ZNF536: variants seen among roughly 807,000 people sequenced by gnomAD.
ZNF536 encodes zinc finger protein 536.
A neutral mutation model predicts 84.5 loss-of-function variants in ZNF536; 13 were observed. The observed-to-expected ratio is 0.15, with a 90% confidence interval of 0.10 to 0.24. The LOEUF is 0.24. ZNF536 is among the 10% of genes least tolerant of loss of function. ZNF536 has a pLI of 1.00. For missense variants in ZNF536, 1,536 were observed against 1,747.5 expected, an observed-to-expected ratio of 0.88 and a Z score of 2.16; for synonymous variants, 811 against 742.5, an observed-to-expected ratio of 1.09 and a Z score of -1.50.
upstream of ZNF536, among the ~76,000 whole-genome samples, chr19:30,370,566 GA>G (rs534520182): frequency 2.6e-5 from 4 of 152,048 alleles, no homozygotes; most frequent in East Asian, 7.7e-4. Flanking sequence ...AAACAGAGGG[GA>G]AAAAAACTAA....
chr19:30,502,402 G>C (rs1418928422), intron 2 of ZNF536, among the ~76,000 whole-genome samples: 1 of 152,064 alleles, frequency 6.6e-6, no homozygotes, highest in African/African-American at 2.4e-5. Context: ...TTTAAACTTG[G>C]GGTGGGATTG....
At chr19:30,670,596 C>G (rs1380601691) in intron 1 of ZNF536, among the ~76,000 whole-genome samples, 1 of 152,248 alleles carries the variant, frequency 6.6e-6, no homozygotes, top group Non-Finnish European at 1.5e-5. Context: ...GGGGAATGAA[C>G]TGTTCACTAC....
chr19:30,234,397 C>T (rs1599826871), intron 1 of ZNF536, among the ~76,000 whole-genome samples: 2 of 82,408 alleles, frequency 2.4e-5, no homozygotes, highest in African/African-American at 5.1e-5. Context: ...AGGCTCCTTC[C>T]TTTTTTTTTT....
intron 1 of ZNF536, among the ~76,000 whole-genome samples, chr19:30,647,205 T>C (rs1187454720): frequency 1.3e-5 from 2 of 152,240 alleles, no homozygotes; most frequent in East Asian, 1.9e-4. Flanking sequence ...AAATCATAAC[T>C]TTCCCTATTT....
At chr19:30,249,792 T>C (rs1430199587) in intron 1 of ZNF536, among the ~76,000 whole-genome samples, 1 of 152,140 alleles carries the variant, frequency 6.6e-6, no homozygotes, top group Non-Finnish European at 1.5e-5. Flanking sequence ...TTTTGGGGAA[T>C]GGAGGTGGAA....
At chr19:30,340,870 G>T (rs2047543698) in intron 2 of ZNF536, among the ~76,000 whole-genome samples, 1 of 152,040 alleles carries the variant, frequency 6.6e-6, no homozygotes, top group African/African-American at 2.4e-5. Context: ...AGAGAGAGAG[G>T]GTTCCTCTTG....
At chr19:30,307,447 T>C (rs1479188601) in intron 2 of ZNF536, among the ~76,000 whole-genome samples, 1 of 151,960 alleles carries the variant, frequency 6.6e-6, no homozygotes, top group African/African-American at 2.4e-5. Context: ...ATGCTTTTAA[T>C]TTTTCTAGCT....
chr19:30,337,477 A>G (rs1349997855), intron 2 of ZNF536, among the ~76,000 whole-genome samples: 1 of 152,066 alleles, frequency 6.6e-6, no homozygotes, highest in Non-Finnish European at 1.5e-5. Flanking sequence ...AGAAGAACAC[A>G]TGGGTTGGCA....
At chr19:30,595,461 AT>A (rs1170381999) in intron 1 of ZNF536, among the ~76,000 whole-genome samples, 2 of 151,594 alleles carry the variant, frequency 1.3e-5, no homozygotes, top group African/African-American at 4.9e-5. Flanking sequence ...CTATTTTTTA[AT>A]TTTTTTGTAG....
intron 1 of ZNF536, among the ~76,000 whole-genome samples, chr19:30,230,955 T>C (rs1192569226): frequency 6.7e-6 from 1 of 149,204 alleles, no homozygotes; most frequent in Non-Finnish European, 1.5e-5. Flanking sequence ...ATGATACTCA[T>C]GAGAATATAG....
chr19:30,239,349 T>C (rs2023771590), intron 1 of ZNF536, among the ~76,000 whole-genome samples: 1 of 152,216 alleles, frequency 6.6e-6, no homozygotes, highest in Non-Finnish European at 1.5e-5. Flanking sequence ...TCCATGGTGG[T>C]GTGACTTGCC....
intron 1 of ZNF536, among the ~76,000 whole-genome samples, chr19:30,658,578 C>A (rs769325601): frequency 9.2e-5 from 14 of 152,126 alleles, no homozygotes; most frequent in Non-Finnish European, 1.9e-4. Context: ...CCTGGCTTTG[C>A]CTGGCCAACT....
intron 1 of ZNF536, among the ~76,000 whole-genome samples, chr19:30,708,008 C>CAAAAAAAAAA (rs60270540): frequency 9.7e-6 from 1 of 102,966 alleles, no homozygotes. Flanking sequence ...GAGACTCCAT[C>CAAAAAAAAAA]AAAAAAAAAA....
At chr19:30,691,086 G>A (rs143016274) in intron 1 of ZNF536, among the ~76,000 whole-genome samples, 66 of 152,276 alleles carry the variant, frequency 4.3e-4, no homozygotes, top group African/African-American at 1.6e-3. Flanking sequence ...AGGGCTGGAG[G>A]TGGGGAGGGA....
chr19:30,630,134 C>A (rs1448171857), intron 1 of ZNF536, among the ~76,000 whole-genome samples: 2 of 152,172 alleles, frequency 1.3e-5, no homozygotes, highest in African/African-American at 4.8e-5. Context: ...CGGAGAGCAC[C>A]AGGGGCTACA....
rs868607388 is a variant in ZNF536 at position 30,238,456 on chromosome 19, C to G, written c.-190+9783C>G. On this transcript the variant is annotated intron_variant, in intron 1 of 5. Coordinates refer to the ZNF536 transcript ENST00000585628. ...CCACACACACACACACACACACACA[C>G]ACAATCACACATGAAAACACATACA... Among the ~76,000 whole-genome samples the G allele has an allele frequency of 8.0e-3, 1,133 of 141,104 alleles. 12 individuals are homozygous for G. Among genetic ancestry groups the G allele is most frequent in the Admixed American group, 0.014 (193 of 13,678 alleles). 92.6% of individuals were successfully genotyped at this position (141,104 alleles called of 152,430 possible).
chr19:30,337,868 TAACTG>T (rs2146495601), intron 2 of ZNF536, among the ~76,000 whole-genome samples: 1 of 152,328 alleles, frequency 6.6e-6, no homozygotes, highest in South Asian at 2.1e-4. Flanking sequence ...CAGTAAGTGT[TAACTG>T]TACTCCTCAA....
In ZNF536 at chr19:30,252,361, G is replaced by A. The variant is rs537180454; in HGVS notation, c.-190+23688G>A. Among the ~76,000 whole-genome samples the A allele has an allele frequency of 7.9e-5, 12 of 152,320 alleles. No individual in the cohort carries two copies. The South Asian group carries it at 1.2e-3, about 16-fold the overall frequency. On this transcript the variant is annotated intron_variant, in intron 1 of 5. Coordinates refer to the ZNF536 transcript ENST00000585628. The stretch of plus-strand genomic sequence containing the variant: ...TTCTTGTTGGCCCTGGCTGGCTGTG[G>A]CTGGGGACCGCACTCCTAGTCTCCC...
Position 30,358,009 on chromosome 19 carries a change from C to CTGGGTCATTA in ZNF536, c.-3+5534_-3+5543dup, listed in dbSNP as rs2048154097. Among the ~76,000 whole-genome samples the CTGGGTCATTA allele has an allele frequency of 2.0e-5, 3 of 152,278 alleles. No homozygotes were observed. In the South Asian group the frequency reaches 6.2e-4, roughly 32 times the overall value. ...ACATCTCCTGTTCACTGCAGGGAAA[C>CTGGGTCATTA]TGGGTCATTATGGGTCATCATGGGT... On this transcript the variant is annotated intron_variant, in intron 3 of 5. Transcript: ENST00000585628.
Sources: gnomAD v4.1 joint callset for allele counts (sites outside exome capture counted in the v4.1 genomes callset) on GRCh38, gnomAD v4.1.1 for gene constraint, MANE v1.5 for transcripts, NCBI Gene and HGNC (gene_info 2026-07-23, HGNC 2026-07-21) for gene names.